Variants in CEACAM19 observed in about 807,000 individuals in gnomAD.
CEACAM19 encodes cell adhesion molecule CEACAM19.
In CEACAM19, 37 loss-of-function variants were observed where a neutral mutation model predicts 37.6. That is an observed-to-expected ratio of 0.98 (90% CI 0.76 to 1.29). The LOEUF is 1.29. CEACAM19 is among the 50% of genes most tolerant of loss of function. The pLI is 0.00. For missense variants in CEACAM19, 340 were observed against 375.6 expected (o/e 0.91, Z 0.78); for synonymous variants, 140 against 149.8 (o/e 0.93, Z 0.48).
Position 44,683,565 on chromosome 19 carries a change from G to A in CEACAM19, c.*75G>A, listed in dbSNP as rs1024985194. On this transcript the variant is annotated 3_prime_UTR_variant, in exon 8 of 8. Transcript: ENST00000358777. ...TCTGGGAGCCTCACACCTGAGACCA[G>A]CAGGACAAGGCCATTGGGGGCTGTG... 11 of 936,052 alleles carry A rather than the reference G, an allele frequency of 1.2e-5. 1 individual carries two copies. The African/African-American group carries it at 1.3e-4, about 11-fold the overall frequency. The allele number at this position is 936,052 out of a possible 1,614,324, so 58.0% of individuals were successfully genotyped here.
chr19:44,666,599 G>A (rs1402422191), upstream of CEACAM19, among the ~76,000 whole-genome samples: 1 of 152,208 alleles, frequency 6.6e-6, no homozygotes, highest in African/African-American at 2.4e-5. Context: ...GAACCTGGGA[G>A]GTGGAGGTTG....
chr19:44,681,617 T>TA (rs940727412), intron 6 of CEACAM19, among the ~76,000 whole-genome samples: 1 of 152,162 alleles, frequency 6.6e-6, no homozygotes, highest in South Asian at 2.1e-4. Context: ...TATATATATA[T>TA]AACGAAAGGT....
chr19:44,672,043 A>G (rs1200933783), intron 1 of CEACAM19, 57 bp downstream of exon 1: 1 of 1,419,922 alleles, frequency 7.0e-7, no homozygotes, highest in Non-Finnish European at 9.8e-7. Context: ...CAGCCCAGAG[A>G]TTGAAGTTTC....
Position 44,681,293 on chromosome 19 carries a change from G to C in CEACAM19, c.773G>C (p.Arg258Thr), listed in dbSNP as rs148584889. The C allele has an allele frequency of 1.3e-3, 2,111 of 1,613,874 alleles. 6 individuals carry two copies. Among genetic ancestry groups the C allele is most frequent in the Non-Finnish European group, 1.2e-3 (1,358 of 1,179,878 alleles). The change falls in exon 6 of 8, where the codon AGG becomes ACG. Residue 258 changes from arginine to threonine, a missense_variant. Coordinates refer to ENST00000358777, the MANE Select transcript of CEACAM19 (RefSeq NM_001127893.3). ...VLLVSPISDT[R>T]SINPARPLPT... ...CTGGTGTCCCCCATCAGTGACACAA[G>C]GTCCATAAACCCAGCCCGGGTGAGT...
upstream of CEACAM19, among the ~76,000 whole-genome samples, chr19:44,670,822 G>T (rs866311346): frequency 2.1e-5 from 3 of 144,336 alleles, no homozygotes; most frequent in East Asian, 6.4e-4. Flanking sequence ...CAGGCTGAGC[G>T]CGGTGGCTCA....
upstream of CEACAM19, among the ~76,000 whole-genome samples, chr19:44,668,129 T>TTATATAATATA (rs1555767311): frequency 1.2e-5 from 1 of 85,208 alleles, no homozygotes; most frequent in African/African-American, 5.3e-5. Context: ...GTTATATATT[T>TTATATAATATA]TTATATAATA....
At position 44,682,624 on chromosome 19, in the gene CEACAM19, T is replaced by TGGAGCTG. The variant is rs748193479; in HGVS notation, c.846+16_846+22dup. 4.7e-5 allele frequency: 75 copies of TGGAGCTG among 1,600,182 alleles called. 1 individual carries two copies. The South Asian group carries it at 7.3e-4, about 16-fold the overall frequency. On this transcript the variant is annotated splice_donor_region_variant and intron_variant, in intron 7 of 7. Coordinates refer to ENST00000358777, the MANE Select transcript of CEACAM19 (RefSeq NM_001127893.3). The stretch of plus-strand genomic sequence containing the variant: ...GCCAGAGAACCACCAGTACCAGGTA[T>TGGAGCTG]GGAGCTGGGAGCTGGGAGGGGTGGT...
chr19:44,667,663 AATATAAATATATATTATATATATAAAT>A (rs1973742931), upstream of CEACAM19, among the ~76,000 whole-genome samples: 2 of 88,930 alleles, frequency 2.2e-5, no homozygotes, highest in Non-Finnish European at 4.0e-5. Flanking sequence ...TAGATATATA[AATATAAATATATATTATATATATAAAT>A]ATATAATATA....
chr19:44,684,029 CT>C lies in CEACAM19; in HGVS notation c.*540del, dbSNP rs1974113467. 1 of 152,620 alleles carries C rather than the reference CT, an allele frequency of 6.6e-6. No homozygotes were observed. Among genetic ancestry groups the C allele is most frequent in the Admixed American group, 6.5e-5 (1 of 15,294 alleles). 9.5% of individuals were successfully genotyped at this position (152,620 alleles called of 1,614,324 possible). ...AGTCCCAGCAAGGTGACCACGGCTG[CT>C]GGACCCCTTCCCTGTTCAGGCAGGC... On this transcript the variant is annotated 3_prime_UTR_variant, in exon 8 of 8. Coordinates refer to ENST00000358777, the MANE Select transcript of CEACAM19 (RefSeq NM_001127893.3).
chr19:44,680,272 C>T lies in CEACAM19; in HGVS notation c.660-16C>T, dbSNP rs761870108. ...GTCTCTCTATCCTAATATCAATTCC[C>T]TCTATGTGTCCCCAGGATGGCGACC... On this transcript the variant is annotated splice_polypyrimidine_tract_variant and intron_variant, in intron 4 of 7. Transcript: ENST00000358777. 2.8e-5 allele frequency: 45 copies of T among 1,606,968 alleles called. No homozygotes were observed. Among genetic ancestry groups the T allele is most frequent in the Non-Finnish European group, 3.5e-5 (41 of 1,176,808 alleles).
chr19:44,677,289 G>A (rs541117341), intron 3 of CEACAM19, among the ~76,000 whole-genome samples: 1 of 152,328 alleles, frequency 6.6e-6, no homozygotes, highest in African/African-American at 2.4e-5. Flanking sequence ...CAGCCCCAGA[G>A]ACTGGGCTAG....
chr19:44,679,786 C>T (rs1974021815), intron 4 of CEACAM19, among the ~76,000 whole-genome samples: 1 of 147,890 alleles, frequency 6.8e-6, no homozygotes, highest in African/African-American at 2.5e-5. Flanking sequence ...TAAAATAAGC[C>T]GAGCATGGTG....
At chr19:44,666,553 C>A (rs763144576), upstream of CEACAM19, among the ~76,000 whole-genome samples, 3 of 152,130 alleles carry the variant, frequency 2.0e-5, no homozygotes, top group Non-Finnish European at 4.4e-5. Context: ...GCCTATAGTC[C>A]CAGCTACTCG....
At chr19:44,670,364 T>C (rs545796772), upstream of CEACAM19, among the ~76,000 whole-genome samples, 121 of 148,018 alleles carry the variant, frequency 8.2e-4, no homozygotes, top group African/African-American at 3.0e-3. Flanking sequence ...ATAAACATGA[T>C]CCAAAAAAGT....
chr19:44,679,118 A>C (rs1189658397), intron 4 of CEACAM19, among the ~76,000 whole-genome samples, 182 bp downstream of exon 4: 1 of 151,770 alleles, frequency 6.6e-6, no homozygotes, highest in Non-Finnish European at 1.5e-5. Context: ...CGAGTCTCCC[A>C]AGTAGCTGGG....
chr19:44,671,590 TCAAA>T lies in CEACAM19; in HGVS notation c.-339_-336del, dbSNP rs1389743910. ...GTTTGAACAAACCCAGGGGAATTGT[TCAAA>T]CAGAGGCTGTTATGACTATTGCTAC... On this transcript the variant is annotated 5_prime_UTR_variant, in exon 1 of 8. The change abolishes the stop of an existing upstream ORF in the 5' untranslated region. Transcript: ENST00000358777. 4 of 418,442 alleles carry T rather than the reference TCAAA, an allele frequency of 9.6e-6. No individual in the cohort carries two copies. Among genetic ancestry groups the T allele is most frequent in the African/African-American group, 6.0e-5 (3 of 49,782 alleles). The allele number at this position is 418,442 out of a possible 1,614,324, so 25.9% of individuals were successfully genotyped here.
upstream of CEACAM19, among the ~76,000 whole-genome samples, chr19:44,670,261 T>C (rs1223046429): frequency 6.6e-6 from 1 of 150,782 alleles, no homozygotes; most frequent in Non-Finnish European, 1.5e-5. Context: ...AGTTGGAGGC[T>C]GCAGTGAGCA....
At chr19:44,680,774 C>G (rs1192391524) in intron 5 of CEACAM19, among the ~76,000 whole-genome samples, 1 of 152,224 alleles carries the variant, frequency 6.6e-6, no homozygotes, top group Non-Finnish European at 1.5e-5. Flanking sequence ...TAACATGGTT[C>G]TCAAGGCCCT....
intron 3 of CEACAM19, chr19:44,677,462 G>A (rs1973972229): frequency 6.6e-6 from 1 of 151,996 alleles, no homozygotes; most frequent in South Asian, 2.1e-4. Flanking sequence ...AGAGAGGAGA[G>A]AGAGGAGAGA....
Sources: gnomAD v4.1 joint callset for allele counts (sites outside exome capture counted in the v4.1 genomes callset) on GRCh38, gnomAD v4.1.1 for gene constraint, MANE v1.5 for transcripts, NCBI Gene and HGNC (gene_info 2026-07-23, HGNC 2026-07-21) for gene names.